Variants in RPS6KA2 observed in about 807,000 individuals in gnomAD.
RPS6KA2 encodes the protein ribosomal protein S6 kinase alpha-2.
A neutral mutation model predicts 91.8 loss-of-function variants in RPS6KA2; 42 were observed. The observed-to-expected ratio is 0.46, with a 90% confidence interval of 0.36 to 0.59. The LOEUF (loss-of-function observed/expected upper bound fraction) is 0.59, where lower values mean the gene tolerates loss of function less well. RPS6KA2 is among the 20% of genes least tolerant of loss of function. The pLI is 0.00. For synonymous variants in RPS6KA2, 414 were observed against 393.6 expected (o/e 1.05, Z -0.61); for missense variants, 798 against 978.5 (o/e 0.82, Z 2.46).
chr6:166,513,549 C>T lies in RPS6KA2; in HGVS notation c.299-3192G>A, dbSNP rs114997631. On this transcript the variant is annotated intron_variant, in intron 3 of 20. Transcript: ENST00000265678. ...CTTAAAGTTAGGTAGCTCCTGGTAG[C>T]CTGGAGGAAGGAGACCCCTGCCTGC... is the stretch of plus-strand genomic sequence containing the variant. Among the ~76,000 whole-genome samples, 470 of 152,274 alleles carry T rather than the reference C, an allele frequency of 3.1e-3. 1 individual carries two copies. The highest frequency in any genetic ancestry group is 0.011 in the African/African-American group (461 of 41,534).
chr6:166,689,494 G>C (rs945287589), intron 2 of RPS6KA2, among the ~76,000 whole-genome samples: 1 of 152,166 alleles, frequency 6.6e-6, no homozygotes, highest in African/African-American at 2.4e-5. Flanking sequence ...GGAAAGTGTT[G>C]GTTAAACTGA....
intron 2 of RPS6KA2, among the ~76,000 whole-genome samples, chr6:166,634,572 T>C (rs1036480814): frequency 6.6e-6 from 1 of 152,088 alleles, no homozygotes; most frequent in Non-Finnish European, 1.5e-5. Flanking sequence ...AACAAAGACA[T>C]GTGTAAATTA....
At chr6:166,757,270 G>T (rs1260139207) in intron 2 of RPS6KA2, among the ~76,000 whole-genome samples, 5 of 152,128 alleles carry the variant, frequency 3.3e-5, no homozygotes, top group African/African-American at 1.2e-4. Context: ...CTTGGGAACA[G>T]AAACATTAAG....
Position 166,733,816 on chromosome 6 carries a change from C to A in RPS6KA2, c.123+124384G>T, listed in dbSNP as rs144480150. Among the ~76,000 whole-genome samples the A allele has an allele frequency of 2.0e-5, 3 of 152,096 alleles. No homozygotes were observed. The highest frequency in any genetic ancestry group is 2.0e-4 in the Admixed American group (3 of 15,270). ...GAGAGAAGTAAAAGGAAGGTTTCTG[C>A]GTTTTTCTGTTTATAAAGCGGATAT... On this transcript the variant is annotated intron_variant, in intron 2 of 21. Transcript: ENST00000503859. The surrounding 1 kb of genome is among the most constrained non-coding windows in gnomAD (Gnocchi z 4.1).
At chr6:166,601,257 C>T (rs1177609987) in intron 1 of RPS6KA2, among the ~76,000 whole-genome samples, 1 of 152,156 alleles carries the variant, frequency 6.6e-6, no homozygotes, top group Non-Finnish European at 1.5e-5. Context: ...GCTCTTAAAT[C>T]CAAATAAATC....
chr6:166,484,626 GCA>G (rs1480791129), intron 10 of RPS6KA2, among the ~76,000 whole-genome samples: 3 of 152,158 alleles, frequency 2.0e-5, no homozygotes, highest in Non-Finnish European at 4.4e-5. Flanking sequence ...CCATCACAAG[GCA>G]CCGAGGATAA....
In RPS6KA2 at chr6:166,825,487, A is replaced by C. The variant is rs1205059309; in HGVS notation, c.123+32713T>G. Among the ~76,000 whole-genome samples the C allele has an allele frequency of 2.6e-5, 4 of 151,968 alleles. No homozygotes were observed. Among genetic ancestry groups the C allele is most frequent in the African/African-American group, 7.3e-5 (3 of 41,266 alleles). On this transcript the variant is annotated intron_variant, in intron 2 of 21. Transcript: ENST00000503859. The surrounding 1 kb of genome is among the most constrained non-coding windows in gnomAD (Gnocchi z 4.1). ...GACATGACCCAGATCCTGGCAAATCATTATAGTCCCTTCAGGGTGCTACTT... is the reference window on the plus strand; with the variant it reads ...GACATGACCCAGATCCTGGCAAATCCTTATAGTCCCTTCAGGGTGCTACTT...
At chr6:166,622,201 C>G (rs1786664658) in intron 1 of RPS6KA2, among the ~76,000 whole-genome samples, 1 of 152,132 alleles carries the variant, frequency 6.6e-6, no homozygotes, top group South Asian at 2.1e-4. Context: ...GTTTAGTTGT[C>G]TTTTCACATC....
intron 1 of RPS6KA2, among the ~76,000 whole-genome samples, chr6:166,580,184 G>A (rs2128515157): frequency 6.6e-6 from 1 of 152,300 alleles, no homozygotes; most frequent in African/African-American, 2.4e-5. Context: ...ACTCACACAG[G>A]ACACACTGTG....
intron 2 of RPS6KA2, among the ~76,000 whole-genome samples, chr6:166,682,405 C>T (rs1788852326): frequency 1.3e-5 from 2 of 152,120 alleles, no homozygotes; most frequent in South Asian, 2.1e-4. Context: ...GTGTCTTTTC[C>T]CTACTTCATC....
At position 166,766,391 on chromosome 6, in the gene RPS6KA2, C is replaced by T. The variant is rs556449435; in HGVS notation, c.123+91809G>A. ...ATTATTGTACCAGTAATATAGATTTCTTTGGAAATTATTTTAAAAATGAAG... is the reference window on the plus strand; with the variant it reads ...ATTATTGTACCAGTAATATAGATTTTTTTGGAAATTATTTTAAAAATGAAG... On this transcript the variant is annotated intron_variant, in intron 2 of 21. Coordinates refer to the RPS6KA2 transcript ENST00000503859. Among the ~76,000 whole-genome samples, 49 of 152,108 alleles carry T rather than the reference C, an allele frequency of 3.2e-4. No individual in the cohort carries two copies. In the South Asian group the frequency reaches 9.6e-3, roughly 30 times the overall value.
chr6:166,503,473 G>A (rs757400550), intron 6 of RPS6KA2, among the ~76,000 whole-genome samples: 2 of 152,200 alleles, frequency 1.3e-5, no homozygotes, highest in African/African-American at 2.4e-5. Context: ...ACTGGGACGC[G>A]TTTGCAGACC....
chr6:166,419,009 G>A lies in RPS6KA2; in HGVS notation c.1821-667C>T, dbSNP rs114300908. 2.0e-3 allele frequency among the ~76,000 whole-genome samples: 304 copies of A among 152,334 alleles called. No homozygotes were observed. Among genetic ancestry groups the A allele is most frequent in the African/African-American group, 7.0e-3 (292 of 41,574 alleles). ...AGTAACCTGACTGTGGTATTGGTAA[G>A]AAACTGAGGTTCCTTCCTTTGCTAC... On this transcript the variant is annotated intron_variant, in intron 18 of 20. Coordinates refer to ENST00000265678, the MANE Select transcript of RPS6KA2 (RefSeq NM_021135.6). This position sits in a 1 kb window ranked among gnomAD's most constrained non-coding sequence, Gnocchi z 5.6.
chr6:166,722,275 C>T (rs976868618), intron 2 of RPS6KA2, among the ~76,000 whole-genome samples: 20 of 152,148 alleles, frequency 1.3e-4, no homozygotes, highest in African/African-American at 4.8e-4. Flanking sequence ...AGCTTGGAGA[C>T]TGGAGATCCC....
At chr6:166,581,086 A>G (rs1432557004) in intron 1 of RPS6KA2, among the ~76,000 whole-genome samples, 1 of 152,016 alleles carries the variant, frequency 6.6e-6, no homozygotes, top group Non-Finnish European at 1.5e-5. Context: ...TTTTTAGTAG[A>G]TAGGGGTTTT....
intron 2 of RPS6KA2, among the ~76,000 whole-genome samples, chr6:166,645,623 G>C (rs1346766184): frequency 6.6e-6 from 1 of 152,196 alleles, no homozygotes; most frequent in Non-Finnish European, 1.5e-5. Flanking sequence ...ATGCTCACGG[G>C]AATGTGCCCC....
At position 166,554,665 on chromosome 6, in the gene RPS6KA2, G is replaced by GC. The variant is rs1364248341; in HGVS notation, c.100-15882dup. 1.3e-5 allele frequency among the ~76,000 whole-genome samples: 2 copies of GC among 152,244 alleles called. No individual in the cohort carries two copies. The highest frequency in any genetic ancestry group is 4.8e-5 in the African/African-American group (2 of 41,478). On this transcript the variant is annotated intron_variant, in intron 1 of 20. Coordinates refer to ENST00000265678, the MANE Select transcript of RPS6KA2 (RefSeq NM_021135.6). This position sits in a 1 kb window ranked among gnomAD's most constrained non-coding sequence, Gnocchi z 4.3. The stretch of plus-strand genomic sequence containing the variant: ...CAGGACTCCATCCTCCTCCACTGCA[G>GC]CCTGAAAGCAGGGGGCAAAACCAAC...
In RPS6KA2 at chr6:166,831,579, G is replaced by A. The variant is rs558492800; in HGVS notation, c.123+26621C>T. Among the ~76,000 whole-genome samples, 78 of 151,854 alleles carry A rather than the reference G, an allele frequency of 5.1e-4. 1 individual carries two copies. The highest frequency in any genetic ancestry group is 7.7e-4 in the Non-Finnish European group (52 of 67,948). ...GAAGGCTTGGCCCCCACTGAGAGAC[G>A]CTCCCTTAGGGAACAGGTGCTGTTC... On this transcript the variant is annotated intron_variant, in intron 2 of 21. Coordinates refer to the RPS6KA2 transcript ENST00000503859.
chr6:166,776,564 T>C (rs947021175), intron 2 of RPS6KA2, among the ~76,000 whole-genome samples: 1 of 152,068 alleles, frequency 6.6e-6, no homozygotes, highest in Non-Finnish European at 1.5e-5. Context: ...AAGCAGTTGC[T>C]CCCCACTCTG....
Sources: gnomAD v4.1 joint callset for allele counts (sites outside exome capture counted in the v4.1 genomes callset) on GRCh38, gnomAD v4.1.1 for gene constraint, Gnocchi (gnomAD v3.1) non-coding constraint, MANE v1.5 for transcripts, NCBI Gene and HGNC (gene_info 2026-07-23, HGNC 2026-07-21) for gene names.